NAV3: variants seen among roughly 807,000 people sequenced by gnomAD.
NAV3 encodes the protein pore membrane and/or filament interacting like protein 1.
A neutral mutation model predicts 244.7 loss-of-function variants in NAV3; 87 were observed. That is an observed-to-expected ratio of 0.36 (90% CI 0.30 to 0.42). The LOEUF (loss-of-function observed/expected upper bound fraction) is 0.42, where lower values mean the gene tolerates loss of function less well. Ranked by LOEUF, NAV3 falls within the 20% of genes least tolerant of loss-of-function variation. The probability of loss-of-function intolerance (pLI) is 1.00; values close to 1 mark genes in which losing one functional copy is unlikely to be tolerated. For missense variants in NAV3, 2,663 were observed against 2,893.3 expected, an observed-to-expected ratio of 0.92 and a Z score of 1.83; for synonymous variants, 1,126 against 1,042.2, an observed-to-expected ratio of 1.08 and a Z score of -1.55.
intron 5 of NAV3, among the ~76,000 whole-genome samples, chr12:77,988,468 T>A (rs1274719385): frequency 6.6e-6 from 1 of 152,178 alleles, no homozygotes; most frequent in East Asian, 1.9e-4. Context: ...AATTCCATAC[T>A]TTAAAAATAG....
At chr12:77,797,667 C>G (rs1443133461) in intron 2 of NAV3, among the ~76,000 whole-genome samples, 1 of 150,198 alleles carries the variant, frequency 6.7e-6, no homozygotes, top group African/African-American at 2.5e-5. Context: ...ATGGTGAAAC[C>G]CCGTCTCTAC....
At chr12:77,820,957 C>T (rs1288266484) in intron 2 of NAV3, among the ~76,000 whole-genome samples, 1 of 151,924 alleles carries the variant, frequency 6.6e-6, no homozygotes, top group Non-Finnish European at 1.5e-5. Flanking sequence ...TTTCTAATTT[C>T]CTATTCTTTT....
In NAV3 at chr12:78,205,073, ACAT is replaced by A; in HGVS notation, c.6975_6977del (p.Ser2326del). On this transcript the variant is annotated inframe_deletion, in exon 39 of 40. Transcript: ENST00000397909. ...AGAAGATGTTGGGTATGAAAGCTGC[ACAT>A]CCACTAAGGAAGCCACAACCTCAAA... 6.2e-7 allele frequency: 1 copy of A among 1,613,538 alleles called. No individual in the cohort carries two copies. The highest frequency in any genetic ancestry group is 8.5e-7 in the Non-Finnish European group (1 of 1,179,748).
At chr12:77,669,204 A>G (rs942560606) in intron 2 of NAV3, among the ~76,000 whole-genome samples, 1 of 152,222 alleles carries the variant, frequency 6.6e-6, no homozygotes, top group Non-Finnish European at 1.5e-5. Flanking sequence ...AAGGAGCTCT[A>G]AATCTTGAAA....
chr12:77,739,712 A>C (rs974313818), intron 2 of NAV3, among the ~76,000 whole-genome samples: 4 of 152,176 alleles, frequency 2.6e-5, no homozygotes, highest in Non-Finnish European at 5.9e-5. Flanking sequence ...TGTGAGAAGT[A>C]AACAGATTTC....
At chr12:77,708,745 G>A (rs1001230819) in intron 2 of NAV3, among the ~76,000 whole-genome samples, 1 of 152,110 alleles carries the variant, frequency 6.6e-6, no homozygotes, top group Non-Finnish European at 1.5e-5. Flanking sequence ...TTGAGCAGTG[G>A]TTTGTAGTTC....
chr12:78,046,207 G>A (rs1881764304), intron 9 of NAV3, among the ~76,000 whole-genome samples: 1 of 152,046 alleles, frequency 6.6e-6, no homozygotes, highest in East Asian at 1.9e-4. Flanking sequence ...ATTTTTTGAA[G>A]GGTTTTTGTG....
chr12:78,138,424 A>G (rs1366368304), intron 19 of NAV3, among the ~76,000 whole-genome samples: 2 of 152,106 alleles, frequency 1.3e-5, no homozygotes, highest in African/African-American at 4.8e-5. Context: ...TTAGGCAGCA[A>G]TGAAAATTGA....
chr12:78,122,366 C>T lies in NAV3; in HGVS notation c.4176C>T (p.Gly1392=), dbSNP rs1327865881. 1 of 1,613,820 alleles carries T rather than the reference C, an allele frequency of 6.2e-7. No homozygotes were observed. Among genetic ancestry groups the T allele is most frequent in the Non-Finnish European group, 8.5e-7 (1 of 1,179,886 alleles). Residue 1392 remains glycine (G), a synonymous_variant, in exon 16 of 40, where the codon GGC becomes GGT. Coordinates refer to ENST00000397909, the MANE Select transcript of NAV3 (RefSeq NM_001024383.2). ...GCTCCTTGTCTGGACTGACCACAGG[C>T]ACTCACGAGGTCCAGAGCCTGCTCA... ...HHGSLSGLTT[G]THEVQSLLMR...
chr12:77,720,053 T>C (rs1347192231), intron 2 of NAV3, among the ~76,000 whole-genome samples: 1 of 152,108 alleles, frequency 6.6e-6, no homozygotes, highest in African/African-American at 2.4e-5. Flanking sequence ...TATGAGTTCA[T>C]CCATTTCTCC....
intron 2 of NAV3, among the ~76,000 whole-genome samples, chr12:77,754,853 A>T (rs575214770): frequency 2.0e-5 from 3 of 152,280 alleles, no homozygotes; most frequent in South Asian, 4.1e-4. Flanking sequence ...TATTCCTTAT[A>T]ATACTGTTAT....
chr12:78,162,903 A>T (rs1467291488), intron 23 of NAV3, among the ~76,000 whole-genome samples: 4 of 128,864 alleles, frequency 3.1e-5, no homozygotes, highest in Non-Finnish European at 7.1e-5. Context: ...TATATATATA[A>T]ATATATATAT....
chr12:78,106,791 C>A (rs1010496462), intron 12 of NAV3, among the ~76,000 whole-genome samples: 5 of 152,144 alleles, frequency 3.3e-5, no homozygotes, highest in African/African-American at 1.2e-4. Flanking sequence ...TGTACACTAC[C>A]CTGGGGAACA....
chr12:77,867,395 A>G (rs797295), intron 1 of NAV3, among the ~76,000 whole-genome samples: 55,687 of 151,716 alleles, frequency 0.37, 10,365 homozygotes, highest in South Asian at 0.52. Flanking sequence ...ACCCAGTCTC[A>G]GGTATGTTTT....
At chr12:77,892,217 G>T (rs181871750) in intron 1 of NAV3, among the ~76,000 whole-genome samples, 4 of 152,246 alleles carry the variant, frequency 2.6e-5, no homozygotes, top group Admixed American at 6.5e-5. Flanking sequence ...TGTTTATTGT[G>T]CAATAAAGAT....
chr12:77,712,907 T>G (rs1876189316), intron 2 of NAV3, among the ~76,000 whole-genome samples: 1 of 152,196 alleles, frequency 6.6e-6, no homozygotes, highest in African/African-American at 2.4e-5. Flanking sequence ...CCAAGGCTAA[T>G]AGCTGGTTTT....
chr12:77,711,616 C>G (rs1876117147), intron 2 of NAV3, among the ~76,000 whole-genome samples: 1 of 152,198 alleles, frequency 6.6e-6, no homozygotes, highest in African/African-American at 2.4e-5. Context: ...GGCAGGTGCC[C>G]TGATGTCCTG....
At chr12:77,902,054 A>G (rs376816696) in intron 1 of NAV3, among the ~76,000 whole-genome samples, 27 of 152,342 alleles carry the variant, frequency 1.8e-4, no homozygotes, top group Middle Eastern at 3.4e-3. Flanking sequence ...CTAGTGATAT[A>G]TATACATAAT....
chr12:78,119,163 T>G, intron 14 of NAV3, 74 bp from the exon 15 acceptor site: 1 of 1,309,628 alleles, frequency 7.6e-7, no homozygotes, highest in Non-Finnish European at 1.1e-6. Context: ...ATTCACATTT[T>G]ACACATTGTT....
Sources: allele counts gnomAD v4.1 joint callset (sites outside exome capture counted in the v4.1 genomes callset), GRCh38; gene constraint gnomAD v4.1.1; transcripts MANE v1.5; gene names NCBI Gene and HGNC (gene_info 2026-07-23, HGNC 2026-07-21).